The following FANCM variants were observed in gnomAD, a reference collection of about 807,000 sequenced individuals.
FANCM encodes the protein FA complementation group M.
In FANCM, 140 loss-of-function variants were observed where a neutral mutation model predicts 199.5. The ratio of observed to expected loss-of-function variants is 0.70; its 90% CI spans 0.61 to 0.81. The LOEUF (loss-of-function observed/expected upper bound fraction) is 0.81. Ranked by LOEUF, FANCM falls within the 30% of genes least tolerant of loss-of-function variation. The pLI is 0.00. For missense variants in FANCM, 2,410 were observed against 2,421.4 expected, an observed-to-expected ratio of 1.00 and a Z score of 0.10; for synonymous variants, 840 against 836.8, an observed-to-expected ratio of 1.00 and a Z score of -0.07.
rs2139169125 is a variant in FANCM, at chr14:45,154,045, A to C, written c.1176A>C (p.Gly392=). The change falls in exon 6 of 23, where the codon GGA becomes GGC. Residue 392 remains glycine, a synonymous_variant. Transcript: ENST00000267430. ...LYFFLCGIMD[G]TKGMTRSKNE... ...TCTTCCTTTGTGGAATTATGGATGGAACTAAAGGTAAATTATATCAAATTA... is the reference window on the plus strand; with the variant it reads ...TCTTCCTTTGTGGAATTATGGATGGCACTAAAGGTAAATTATATCAAATTA... The C allele has an allele frequency of 6.4e-7, 1 of 1,551,500 alleles. No homozygotes were observed. The highest frequency in any genetic ancestry group is 1.7e-5 in the Admixed American group (1 of 59,910).
chr14:45,172,094 T>C (rs1449020134), intron 12 of FANCM, among the ~76,000 whole-genome samples: 2 of 152,160 alleles, frequency 1.3e-5, no homozygotes, highest in African/African-American at 4.8e-5. Flanking sequence ...TTTTGATTTG[T>C]ATTTCTCTGA....
rs374402283 is a variant in FANCM at position 45,188,780 on chromosome 14, C to G, written c.4780-22C>G. 39 of 1,534,008 alleles carry G rather than the reference C, an allele frequency of 2.5e-5. No individual in the cohort carries two copies. The African/African-American group carries it at 5.0e-4, about 20-fold the overall frequency. ...TTAATTGTCTGAAATAAATATAAAA[C>G]ATTCTTGTGTTTTTATTGTAGATTC... On this transcript the variant is annotated intron_variant, in intron 19 of 22. Coordinates refer to ENST00000267430, the MANE Select transcript of FANCM (RefSeq NM_020937.4).
At chr14:45,178,221 T>C (rs1304954551) in intron 14 of FANCM, among the ~76,000 whole-genome samples, 14 of 152,230 alleles carry the variant, frequency 9.2e-5, no homozygotes, top group Admixed American at 7.9e-4. Context: ...GAAATACATT[T>C]AATTTTCAAA....
chr14:45,175,214 C>T lies in FANCM; in HGVS notation c.2460C>T (p.Asn820=), dbSNP rs199702587. 1.1e-5 allele frequency: 17 copies of T among 1,611,642 alleles called. No individual in the cohort carries two copies. Among genetic ancestry groups the T allele is most frequent in the Non-Finnish European group, 1.4e-5 (16 of 1,178,612 alleles). The change falls in exon 14 of 23, where the codon AAC becomes AAT. Residue 820 remains asparagine, a synonymous_variant. Transcript: ENST00000267430. Reference sequence around the variant, plus strand: ...ACAAGAAATCGTCATTTATAAAGAACATAAATCAAGGCAGTTCATCCTCAG... The same window carrying T: ...ACAAGAAATCGTCATTTATAAAGAATATAAATCAAGGCAGTTCATCCTCAG... ...ITHKKSSFIK[N]INQGSSSSVI...
chr14:45,158,777 A>G (rs1401086758), intron 8 of FANCM, among the ~76,000 whole-genome samples: 1 of 152,158 alleles, frequency 6.6e-6, no homozygotes, highest in Non-Finnish European at 1.5e-5. Flanking sequence ...AGATTATTAA[A>G]ATTAATAGAG....
intron 21 of FANCM, 90 bp downstream of exon 21, chr14:45,196,637 A>G: frequency 1.5e-6 from 2 of 1,303,932 alleles, no homozygotes; most frequent in East Asian, 2.4e-5. Flanking sequence ...GATGTGGGAA[A>G]CTCTTAAAAT....
chr14:45,145,752 G>A (rs569153072), intron 3 of FANCM, among the ~76,000 whole-genome samples: 21 of 152,154 alleles, frequency 1.4e-4, no homozygotes, highest in Admixed American at 6.5e-4. Flanking sequence ...GTGAAACCCC[G>A]TCTCTACTAA....
At chr14:45,188,713 A>G in intron 19 of FANCM, 89 bp from the exon 20 acceptor site, 1 of 938,080 alleles carries the variant, frequency 1.1e-6, no homozygotes, top group South Asian at 1.5e-5. Context: ...AACAAATATT[A>G]ATGCAGATTT....
In FANCM at chr14:45,136,190, C is replaced by A; in HGVS notation, c.159C>A (p.Asp53Glu). ...CAGCGGAGGCTCAGCTGGAGTCGGA[C>A]GATGATGTGTTGCTTGTCGCGGCGT... ...PAAAEAQLESDDDVLLVAAYE... is the reference protein window; with the variant it reads ...PAAAEAQLESEDDVLLVAAYE... Residue 53 changes from aspartate (D) to glutamate (E), a missense_variant, in exon 1 of 23, where the codon GAC (aspartate) becomes GAA (glutamate). Asp to Glu is a conservative substitution (Grantham distance 45). Transcript: ENST00000267430. The A allele has an allele frequency of 6.2e-7, 1 of 1,614,180 alleles. No individual in the cohort carries two copies. Among genetic ancestry groups the A allele is most frequent in the South Asian group, 1.1e-5 (1 of 91,080 alleles).
chr14:45,153,285 G>A (rs898941357), intron 5 of FANCM, among the ~76,000 whole-genome samples: 7 of 152,178 alleles, frequency 4.6e-5, no homozygotes, highest in Admixed American at 3.9e-4. Context: ...ACATTTGTAT[G>A]AGCTTCCTCA....
In FANCM at chr14:45,167,965, G is replaced by A. The variant is rs529676355; in HGVS notation, c.2002+802G>A. ...GTTCATTCCATTGTTGAACGGCCCT[G>A]TATAGTAGAAGACTCTTACGCTGAA... On this transcript the variant is annotated intron_variant, in intron 11 of 22. Transcript: ENST00000267430. Among the ~76,000 whole-genome samples the A allele has an allele frequency of 4.6e-5, 7 of 152,178 alleles. No homozygotes were observed. The South Asian group carries it at 1.2e-3, about 27-fold the overall frequency.
chr14:45,169,376 T>C (rs1478395765), intron 11 of FANCM, among the ~76,000 whole-genome samples: 1 of 147,586 alleles, frequency 6.8e-6, no homozygotes, highest in Non-Finnish European at 1.5e-5. Flanking sequence ...CTTTTATTTA[T>C]TTATTTGTTT....
At chr14:45,182,663 T>C (rs1192821240) in intron 16 of FANCM, among the ~76,000 whole-genome samples, 1 of 152,218 alleles carries the variant, frequency 6.6e-6, no homozygotes, top group Non-Finnish European at 1.5e-5. Flanking sequence ...ATTTTGAGAC[T>C]AGCAAATCTT....
intron 9 of FANCM, among the ~76,000 whole-genome samples, chr14:45,160,318 CTT>C (rs111650701): frequency 2.0e-4 from 25 of 126,710 alleles, no homozygotes; most frequent in Non-Finnish European, 2.4e-4. Flanking sequence ...TTCTTCTTTT[CTT>C]TTTTTTTTTT....
intron 18 of FANCM, among the ~76,000 whole-genome samples, chr14:45,187,307 C>A (rs1234809117): frequency 3.4e-5 from 5 of 147,690 alleles, no homozygotes; most frequent in Non-Finnish European, 7.5e-5. Flanking sequence ...TTTAAAAATG[C>A]TAGCCATAAA....
rs1019149267 is a variant in FANCM, at chr14:45,144,612, G to T, written c.759+3903G>T. Among the ~76,000 whole-genome samples, 7 of 152,102 alleles carry T rather than the reference G, an allele frequency of 4.6e-5. No individual in the cohort carries two copies. In the East Asian group the frequency reaches 1.3e-3, roughly 29 times the overall value. ...ACAGGCAGAGGAGCCTCTCCCCATG[G>T]TCACCACTACCATAGGCCCATGAGG... is the stretch of plus-strand genomic sequence containing the variant. On this transcript the variant is annotated intron_variant, in intron 3 of 22. Transcript: ENST00000267430.
At chr14:45,144,714 C>T (rs1297927154) in intron 3 of FANCM, among the ~76,000 whole-genome samples, 1 of 152,146 alleles carries the variant, frequency 6.6e-6, no homozygotes, top group Non-Finnish European at 1.5e-5. Flanking sequence ...TGCTGCCAGG[C>T]CTGGGACTCA....
Position 45,157,036 on chromosome 14 carries a change from A to G in FANCM, c.1396+1577A>G, listed in dbSNP as rs73340685. Reference sequence around the variant, plus strand: ...TGAAAAATGAAGAATAGAGATAAGTATGTGAGGTAATATGTATGTTAATTA... The same window carrying G: ...TGAAAAATGAAGAATAGAGATAAGTGTGTGAGGTAATATGTATGTTAATTA... On this transcript the variant is annotated intron_variant, in intron 8 of 22. Transcript: ENST00000267430. 5.7e-3 allele frequency among the ~76,000 whole-genome samples: 867 copies of G among 152,160 alleles called. 9 individuals are homozygous for G. The highest frequency in any genetic ancestry group is 0.019 in the African/African-American group (809 of 41,524).
At position 45,196,509 on chromosome 14, in the gene FANCM, G is replaced by A. The variant is rs1890068183; in HGVS notation, c.5678G>A (p.Arg1893Lys). 2 of 1,614,054 alleles carry A rather than the reference G, an allele frequency of 1.2e-6. No individual in the cohort carries two copies. Among genetic ancestry groups the A allele is most frequent in the Non-Finnish European group, 8.5e-7 (1 of 1,179,990 alleles). ...CAGCACCTGCAGAGTATGTTTGAAA[G>A]AATATGTGTGATTGTGGAAAAGGAC... is the stretch of plus-strand genomic sequence containing the variant. ...QIQHLQSMFE[R>K]ICVIVEKDRE... The change falls in exon 21 of 23, where the codon AGA (arginine) becomes AAA (lysine). Residue 1893 changes from arginine (R) to lysine (K), a missense_variant. Physicochemically the swap from Arg to Lys is conservative, Grantham distance 26. Coordinates refer to ENST00000267430, the MANE Select transcript of FANCM (RefSeq NM_020937.4).
Sources: gnomAD v4.1 joint callset for allele counts (sites outside exome capture counted in the v4.1 genomes callset) on GRCh38, gnomAD v4.1.1 for gene constraint, MANE v1.5 for transcripts, NCBI Gene and HGNC (gene_info 2026-07-23, HGNC 2026-07-21) for gene names.